CCDC102B: variants seen among roughly 807,000 people sequenced by gnomAD.
CCDC102B encodes the protein coiled-coil domain-containing protein 102B.
CCDC102B carries 75 observed loss-of-function variants against 57.4 expected under a neutral mutation model. The observed-to-expected ratio is 1.31, with a 90% CI of 1.08 to 1.58. The LOEUF (loss-of-function observed/expected upper bound fraction) is 1.58, where lower values mean the gene tolerates loss of function less well. CCDC102B is among the 40% of genes most tolerant of loss of function. The probability of loss-of-function intolerance (pLI) is 0.00; values close to 1 mark genes in which losing one functional copy is unlikely to be tolerated. For synonymous variants in CCDC102B, 206 were observed against 201.9 expected (o/e 1.02, Z -0.17); for missense variants, 636 against 582.6 (o/e 1.09, Z -0.94).
intron 6 of CCDC102B, among the ~76,000 whole-genome samples, chr18:68,972,140 T>C (rs891230768): frequency 1.3e-5 from 2 of 152,140 alleles, no homozygotes; most frequent in Non-Finnish European, 2.9e-5. Flanking sequence ...GGGAAGTGCA[T>C]CCTGAATTCT....
intron 1 of CCDC102B, among the ~76,000 whole-genome samples, chr18:68,809,864 G>C (rs2036178185): frequency 6.6e-6 from 1 of 152,168 alleles, no homozygotes; most frequent in Admixed American, 6.5e-5. Flanking sequence ...AATGTTTATA[G>C]TAAAATGGTC....
intron 4 of CCDC102B, among the ~76,000 whole-genome samples, chr18:68,863,280 GC>G (rs1568297169): frequency 6.6e-6 from 1 of 151,520 alleles, no homozygotes; most frequent in African/African-American, 2.4e-5. Context: ...AATTTGCAAT[GC>G]CCTATACTGT....
intron 6 of CCDC102B, among the ~76,000 whole-genome samples, chr18:69,007,674 T>C (rs192056521): frequency 7.2e-5 from 11 of 152,344 alleles, no homozygotes; most frequent in Admixed American, 5.9e-4. Context: ...GTGATGCCGT[T>C]GCTGCTGGCT....
intron 2 of CCDC102B, among the ~76,000 whole-genome samples, chr18:68,742,317 C>G (rs1191138409): frequency 6.6e-6 from 1 of 152,128 alleles, no homozygotes; most frequent in Non-Finnish European, 1.5e-5. Context: ...TTTCCTCTTC[C>G]TATAAGAGCA....
intron 2 of CCDC102B, among the ~76,000 whole-genome samples, chr18:68,718,403 A>C (rs2032142448): frequency 6.6e-6 from 1 of 152,222 alleles, no homozygotes; most frequent in African/African-American, 2.4e-5. Flanking sequence ...TGAACAGAAG[A>C]AGCCAGAAAC....
intron 1 of CCDC102B, among the ~76,000 whole-genome samples, chr18:68,816,686 G>C (rs1180562452): frequency 1.3e-5 from 2 of 151,940 alleles, no homozygotes; most frequent in East Asian, 1.9e-4. Context: ...GGATGGTCTC[G>C]ATAACCTGAC....
chr18:69,014,939 G>T (rs972378134), intron 7 of CCDC102B, among the ~76,000 whole-genome samples: 4 of 149,120 alleles, frequency 2.7e-5, no homozygotes, highest in African/African-American at 1.0e-4. Flanking sequence ...TGAGTGGCCT[G>T]CACTATACTG....
intron 7 of CCDC102B, among the ~76,000 whole-genome samples, chr18:69,044,429 T>G (rs17080150): frequency 0.05 from 7,621 of 152,244 alleles, 270 homozygotes; most frequent in East Asian, 0.16. Flanking sequence ...AATGACAAAT[T>G]CATGTAATAG....
intron 7 of CCDC102B, among the ~76,000 whole-genome samples, chr18:69,048,712 T>TA (rs145226681): frequency 0.018 from 2,657 of 151,728 alleles, 79 homozygotes; most frequent in African/African-American, 0.06. Context: ...TCAGGGTGCT[T>TA]AAAAAAAACT....
intron 2 of CCDC102B, among the ~76,000 whole-genome samples, chr18:68,790,464 G>C (rs1413667599): frequency 6.6e-6 from 1 of 151,996 alleles, no homozygotes; most frequent in Non-Finnish European, 1.5e-5. Flanking sequence ...TCAGACTGCT[G>C]TGCTAGCAAT....
intron 2 of CCDC102B, among the ~76,000 whole-genome samples, chr18:68,724,099 G>GT (rs2032483981): frequency 6.6e-6 from 1 of 152,148 alleles, no homozygotes; most frequent in South Asian, 2.1e-4. Context: ...GGCTTGCATC[G>GT]TCAGAAGCAA....
chr18:68,999,248 A>T (rs1462827200), intron 6 of CCDC102B, among the ~76,000 whole-genome samples: 1 of 151,958 alleles, frequency 6.6e-6, no homozygotes, highest in Non-Finnish European at 1.5e-5. Flanking sequence ...GGGGAAAAAG[A>T]GATCTGGTCT....
intron 2 of CCDC102B, among the ~76,000 whole-genome samples, chr18:68,765,394 AGAAAG>A (rs1407195983): frequency 2.7e-5 from 4 of 150,148 alleles, no homozygotes; most frequent in South Asian, 2.1e-4. Context: ...AAGAAAGAAA[AGAAAG>A]GAAGGAAGGA....
chr18:68,900,645 C>G (rs565876327), intron 6 of CCDC102B, among the ~76,000 whole-genome samples: 1 of 152,088 alleles, frequency 6.6e-6, no homozygotes, highest in East Asian at 1.9e-4. Context: ...AAAGCTCTTG[C>G]TTTTTGAATC....
intron 6 of CCDC102B, among the ~76,000 whole-genome samples, chr18:68,991,636 A>G (rs1227989889): frequency 6.6e-6 from 1 of 152,222 alleles, no homozygotes; most frequent in Admixed American, 6.5e-5. Context: ...AATATTTGCA[A>G]GCTCTCTAGG....
chr18:68,812,202 C>A (rs1014799505), intron 1 of CCDC102B, among the ~76,000 whole-genome samples: 2 of 151,696 alleles, frequency 1.3e-5, no homozygotes, highest in Non-Finnish European at 2.9e-5. Context: ...GAGGATTAAC[C>A]ATTTCAACAG....
chr18:68,862,943 T>C (rs937883783), intron 4 of CCDC102B, among the ~76,000 whole-genome samples: 1 of 152,004 alleles, frequency 6.6e-6, no homozygotes, highest in Non-Finnish European at 1.5e-5. Context: ...TACCCTACAT[T>C]ATTCTTTCTG....
intron 5 of CCDC102B, among the ~76,000 whole-genome samples, chr18:68,889,931 G>T (rs1313264792): frequency 6.6e-6 from 1 of 152,164 alleles, no homozygotes; most frequent in African/African-American, 2.4e-5. Context: ...TTTCAGGCAT[G>T]CATGTGTTCT....
intron 2 of CCDC102B, among the ~76,000 whole-genome samples, chr18:68,750,334 C>G (rs1221341405): frequency 6.6e-6 from 1 of 152,142 alleles, no homozygotes; most frequent in African/African-American, 2.4e-5. Context: ...AACACTTTTA[C>G]ACTGTTGGTG....
Sources: gnomAD v4.1 joint callset for allele counts (sites outside exome capture counted in the v4.1 genomes callset) on GRCh38, gnomAD v4.1.1 for gene constraint, MANE v1.5 for transcripts, NCBI Gene and HGNC (gene_info 2026-07-23, HGNC 2026-07-21) for gene names.